MUC6: variants seen among roughly 807,000 people sequenced by gnomAD.
The protein encoded by MUC6 is mucin-6.
In MUC6, 188 loss-of-function variants were observed where a neutral mutation model predicts 201.5. The ratio of observed to expected loss-of-function variants is 0.93; its 90% CI spans 0.83 to 1.05. The LOEUF (loss-of-function observed/expected upper bound fraction) is 1.05, where lower values mean the gene tolerates loss of function less well. Ranked by LOEUF, MUC6 falls within the 50% of genes least tolerant of loss-of-function variation. MUC6 has a pLI of 0.00. For missense variants in MUC6, 2,706 were observed against 3,256.9 expected (o/e 0.83, Z 4.12); for synonymous variants, 1,228 against 1,389.4 (o/e 0.88, Z 2.58).
chr11:1,014,514 G>T (rs556118938), intron 31 of MUC6, among the ~76,000 whole-genome samples: 1 of 152,206 alleles, frequency 6.6e-6, no homozygotes, highest in Non-Finnish European at 1.5e-5. Context: ...AAGGGGCGGG[G>T]TGGGGGCCCG....
At position 1,025,073 on chromosome 11, in the gene MUC6, CAG is replaced by C; in HGVS notation, c.2994_2995del (p.Cys999ArgfsTer94). 5 of 1,612,928 alleles carry C rather than the reference CAG, an allele frequency of 3.1e-6. No individual in the cohort carries two copies. Among genetic ancestry groups the C allele is most frequent in the Non-Finnish European group, 3.4e-6 (4 of 1,179,848 alleles). ...CCCGTTGAAGTTGCCACACAAGCCG[CAG>C]AGGGGATCCTGCAGACGGTGGCATC... is the stretch of plus-strand genomic sequence containing the variant. On this transcript the variant is annotated frameshift_variant, in exon 24 of 33. Transcript: ENST00000421673. LOFTEE classifies it high-confidence loss of function.
chr11:1,020,770 T>C, intron 27 of MUC6, 36 bp from the exon 28 acceptor site: 1 of 1,607,932 alleles, frequency 6.2e-7, no homozygotes, highest in Non-Finnish European at 8.5e-7. Context: ...TGTGGTTCTC[T>C]AAGCCTCCCC....
chr11:1,032,634 T>A (rs1857134576), intron 2 of MUC6, among the ~76,000 whole-genome samples: 1 of 151,062 alleles, frequency 6.6e-6, no homozygotes, highest in Admixed American at 6.6e-5. Flanking sequence ...TAAGTGTGCA[T>A]GTTTGCATGT....
rs1245597519 is a variant in MUC6 at position 1,016,005 on chromosome 11, AG to A, written c.6795del (p.Ser2266LeufsTer27). On this transcript the variant is annotated frameshift_variant, in exon 31 of 33. Coordinates refer to ENST00000421673, the MANE Select transcript of MUC6 (RefSeq NM_005961.3). LOFTEE classifies it high-confidence loss of function. ...TASTHTAPAF[S>X]SQSTTSRSTS... The stretch of plus-strand genomic sequence containing the variant: ...GTGGACCGCGAGGTGGTGGACTGAG[AG>A]GAGAAGGCAGGGGCGGTGTGGGTGC... The A allele has an allele frequency of 1.3e-5, 21 of 1,604,126 alleles. No individual in the cohort carries two copies. The Admixed American group carries it at 2.9e-4, about 22-fold the overall frequency.
chr11:1,029,694 C>T lies in MUC6; in HGVS notation c.1016-79G>A, dbSNP rs111930366. On this transcript the variant is annotated intron_variant, in intron 8 of 32. Transcript: ENST00000421673. Reference sequence around the variant, plus strand: ...CCCCTCCCTGGCTCCAGGGAGACGCCCCCTCCAGCCTGGCTCCAGGGAGAC... The same window carrying T: ...CCCCTCCCTGGCTCCAGGGAGACGCTCCCTCCAGCCTGGCTCCAGGGAGAC... The T allele has an allele frequency of 5.5e-4, 806 of 1,478,802 alleles. 2 individuals are homozygous for T. The highest frequency in any genetic ancestry group is 9.7e-4 in the Middle Eastern group (4 of 4,136). 91.6% of individuals were successfully genotyped at this position (1,478,802 alleles called of 1,614,324 possible).
rs750483721 is a variant in MUC6 at position 1,029,228 on chromosome 11, C to T, written c.1275G>A (p.Gln425=). 3.7e-6 allele frequency: 6 copies of T among 1,607,324 alleles called. No homozygotes were observed. In the African/African-American group the frequency reaches 6.7e-5, roughly 18 times the overall value. ...CCACGGGCCACAGGGCTCGTCCTAC[C>T]TGGAGGAGGATGTAGGTGCAGGTGC... ...FHGTCTYILL[Q]SPQLPEDGAL... is the part of the protein sequence containing the mutation. Residue 425 remains glutamine, a splice_region_variant and synonymous_variant, in exon 10 of 33, where the codon CAG becomes CAA. Transcript: ENST00000421673.
chr11:1,018,902 C>T (rs1294124310), intron 30 of MUC6, 132 bp from the exon 31 acceptor site: 1 of 1,196,978 alleles, frequency 8.4e-7, no homozygotes, highest in East Asian at 2.4e-5. Flanking sequence ...ATGGCCCCTG[C>T]TGGGCACTCC....
Position 1,015,746 on chromosome 11 carries a change from C to G in MUC6, c.7039+16G>C. On this transcript the variant is annotated intron_variant, in intron 31 of 32. Coordinates refer to ENST00000421673, the MANE Select transcript of MUC6 (RefSeq NM_005961.3). Reference sequence around the variant, plus strand: ...AGAGGTGAGGCCAGGAGAAGGGCCACAGAGATGCCACTTACCGGGTGAGGT... The same window carrying G: ...AGAGGTGAGGCCAGGAGAAGGGCCAGAGAGATGCCACTTACCGGGTGAGGT... 1 of 1,525,808 alleles carries G rather than the reference C, an allele frequency of 6.6e-7. No individual in the cohort carries two copies. The highest frequency in any genetic ancestry group is 8.8e-7 in the Non-Finnish European group (1 of 1,136,098). 94.5% of individuals were successfully genotyped at this position (1,525,808 alleles called of 1,614,324 possible). A position where few individuals can be genotyped will look rare whatever the true frequency, so the allele number is the denominator to read the frequency against.
intron 2 of MUC6, among the ~76,000 whole-genome samples, 184 bp downstream of exon 2, chr11:1,032,829 G>A (rs1193791346): frequency 6.6e-6 from 1 of 151,396 alleles, no homozygotes; most frequent in African/African-American, 2.4e-5. Flanking sequence ...TGTGTCAGGT[G>A]TGTGTGCATG....
rs537249142 is a variant in MUC6, at chr11:1,025,917, T to C, written c.2689-2A>G. ...TGAGTCGTTGACACCACAGACGTCCTGCAGGGAGAGGGCGCTGAGGAGGAG... is the reference window on the plus strand; with the variant it reads ...TGAGTCGTTGACACCACAGACGTCCCGCAGGGAGAGGGCGCTGAGGAGGAG... On this transcript the variant is annotated splice_acceptor_variant, in intron 21 of 32. Coordinates refer to ENST00000421673, the MANE Select transcript of MUC6 (RefSeq NM_005961.3). LOFTEE classifies it high-confidence loss of function. 6.2e-7 allele frequency: 1 copy of C among 1,608,674 alleles called. No homozygotes were observed. Among genetic ancestry groups the C allele is most frequent in the East Asian group, 2.2e-5 (1 of 44,682 alleles).
rs767017805 is a variant in MUC6, at chr11:1,031,280, G to GGGGGCCCGGGGGCCA, written c.484-36_484-22dup. ...AGAACCTGCGGGAGACGGCTCTGCT[G>GGGGGCCCGGGGGCCA]GGGGCCCGGGGGCCAGGGGCCCCCT... On this transcript the variant is annotated intron_variant, in intron 4 of 32. Coordinates refer to ENST00000421673, the MANE Select transcript of MUC6 (RefSeq NM_005961.3). 62 of 1,547,638 alleles carry GGGGGCCCGGGGGCCA rather than the reference G, an allele frequency of 4.0e-5. No homozygotes were observed. The East Asian group carries it at 6.1e-4, about 15-fold the overall frequency.
intron 20 of MUC6, 32 bp downstream of exon 20, chr11:1,026,295 C>G: frequency 6.4e-7 from 1 of 1,554,832 alleles, no homozygotes; most frequent in Non-Finnish European, 8.7e-7. Context: ...GCCCCAGGAG[C>G]CCAGGGCGTC....
chr11:1,018,815 C>T (rs373659957), intron 30 of MUC6, 45 bp from the exon 31 acceptor site: 1 of 1,524,668 alleles, frequency 6.6e-7, no homozygotes, highest in Non-Finnish European at 8.8e-7. Flanking sequence ...TTTTGTTTCT[C>T]TACCCTGACC....
intron 27 of MUC6, 139 bp from the exon 28 acceptor site, chr11:1,020,873 C>A: frequency 9.1e-7 from 1 of 1,094,412 alleles, no homozygotes; most frequent in African/African-American, 1.6e-5. Context: ...GGAGCCCACC[C>A]TCCCCTCTCT....
intron 31 of MUC6, among the ~76,000 whole-genome samples, chr11:1,015,385 G>C (rs1275785955): frequency 1.3e-5 from 2 of 152,168 alleles, no homozygotes; most frequent in East Asian, 1.9e-4. Flanking sequence ...TTGAACCCTG[G>C]GGTTGGGCCA....
chr11:1,025,814 G>T lies in MUC6; in HGVS notation c.2790C>A (p.Ile930=). ...SGVTCSRAIK[I]FLGGLSVVLA... ...CTGCCCGGCTGCTCACCCCCAGGAA[G>T]ATCTTGATGGCCCGTGAGCATGTGA... is the stretch of plus-strand genomic sequence containing the variant. The change falls in exon 22 of 33, where the codon ATC becomes ATA. Residue 930 remains isoleucine (I), a synonymous_variant. Transcript: ENST00000421673. 1.2e-6 allele frequency: 2 copies of T among 1,612,158 alleles called. No homozygotes were observed. The highest frequency in any genetic ancestry group is 1.1e-5 in the South Asian group (1 of 90,894).
chr11:1,016,261 G>A lies in MUC6; in HGVS notation c.6540C>T (p.His2180=). The change falls in exon 31 of 33, where the codon CAC becomes CAT. Residue 2180 remains histidine (H), a synonymous_variant. Coordinates refer to ENST00000421673, the MANE Select transcript of MUC6 (RefSeq NM_005961.3). Reference sequence around the variant, plus strand: ...TCGTGGGATGAGTGGACAATGAGGAGTGTGACCCCGAGCTCAGGGTTGTGG... The same window carrying A: ...TCGTGGGATGAGTGGACAATGAGGAATGTGACCCCGAGCTCAGGGTTGTGG... ...VHSTTLSSGS[H]SSLSTHPTTA... 1 of 1,613,194 alleles carries A rather than the reference G, an allele frequency of 6.2e-7. No homozygotes were observed. The highest frequency in any genetic ancestry group is 8.5e-7 in the Non-Finnish European group (1 of 1,179,712).
At chr11:1,030,161 TG>T in intron 8 of MUC6, 51 bp downstream of exon 8, 1 of 1,511,536 alleles carries the variant, frequency 6.6e-7, no homozygotes. Flanking sequence ...CCCTTGTCTC[TG>T]GGTTCTCTCT....
intron 7 of MUC6, 105 bp from the exon 8 acceptor site, chr11:1,030,440 A>T: frequency 7.0e-7 from 1 of 1,434,144 alleles, no homozygotes; most frequent in Non-Finnish European, 9.3e-7. Context: ...TCCATCTAGA[A>T]GCAGCAGCGA....
Sources: allele counts gnomAD v4.1 joint callset (sites outside exome capture counted in the v4.1 genomes callset), GRCh38; gene constraint gnomAD v4.1.1; transcripts MANE v1.5; gene names NCBI Gene and HGNC (gene_info 2026-07-23, HGNC 2026-07-21).